The following ADGRL2 variants were observed in gnomAD, a reference collection of about 807,000 sequenced individuals.
ADGRL2 encodes calcium-independent alpha-latrotoxin receptor 2.
ADGRL2 carries 44 observed loss-of-function variants against 157.4 expected under a neutral mutation model. The observed-to-expected ratio is 0.28, with a 90% confidence interval of 0.22 to 0.36. ADGRL2 has a LOEUF of 0.36. ADGRL2 is among the 10% of genes least tolerant of loss of function. The pLI, the probability that ADGRL2 is intolerant of heterozygous loss-of-function variation, is 1.00. For synonymous variants in ADGRL2, 585 were observed against 624.7 expected, an observed-to-expected ratio of 0.94 and a Z score of 0.95; for missense variants, 1,510 against 1,768.9, an observed-to-expected ratio of 0.85 and a Z score of 2.63.
intron 23 of ADGRL2, among the ~76,000 whole-genome samples, chr1:81,988,615 T>G (rs889497233): frequency 6.6e-6 from 1 of 152,126 alleles, no homozygotes; most frequent in Non-Finnish European, 1.5e-5. Flanking sequence ...ATTTGTCAGT[T>G]TTTCAGATGT....
intron 2 of ADGRL2, among the ~76,000 whole-genome samples, chr1:81,449,673 G>A (rs575911121): frequency 1.3e-5 from 2 of 152,156 alleles, no homozygotes; most frequent in Middle Eastern, 6.8e-3. Flanking sequence ...GCAATCACAG[G>A]TCACTGCAGC....
intron 1 of ADGRL2, among the ~76,000 whole-genome samples, chr1:81,708,530 A>C (rs2083816053): frequency 6.6e-6 from 1 of 152,158 alleles, no homozygotes; most frequent in South Asian, 2.1e-4. Flanking sequence ...GCCAATGCAC[A>C]TATAATGATG....
In ADGRL2 at chr1:81,337,339, G is replaced by A. The variant is rs146708495; in HGVS notation, c.-302+30830G>A. Among the ~76,000 whole-genome samples, 965 of 142,556 alleles carry A rather than the reference G, an allele frequency of 6.8e-3. 6 individuals carry two copies. The highest frequency in any genetic ancestry group is 0.01 in the Non-Finnish European group (650 of 62,212). The allele number at this position is 142,556 out of a possible 152,430, so 93.5% of individuals were successfully genotyped here. A position where few individuals can be genotyped will look rare whatever the true frequency, so the allele number is the denominator to read the frequency against. On this transcript the variant is annotated intron_variant, in intron 1 of 24. Transcript: ENST00000370721. ...CACACCCTCTGGGGCTCCAGGGGTT[G>A]TGGGTATCCCCCTAGATGCTGCTGT...
chr1:81,328,732 C>T (rs930556806), intron 1 of ADGRL2, among the ~76,000 whole-genome samples: 2 of 151,976 alleles, frequency 1.3e-5, no homozygotes, highest in Non-Finnish European at 2.9e-5. Context: ...GTAAGGATCA[C>T]CTCAATTCCA....
intron 2 of ADGRL2, chr1:81,502,978 G>T (rs1026700914): frequency 6.2e-7 from 1 of 1,613,332 alleles, no homozygotes; most frequent in Non-Finnish European, 8.5e-7. Flanking sequence ...GACAACAGTG[G>T]CTGTGCCAAA....
chr1:81,429,832 G>T (rs1396105524), intron 1 of ADGRL2, among the ~76,000 whole-genome samples: 1 of 152,164 alleles, frequency 6.6e-6, no homozygotes, highest in African/African-American at 2.4e-5. Context: ...AGAAAAGATG[G>T]GAAGCCCATG....
intron 1 of ADGRL2, among the ~76,000 whole-genome samples, chr1:81,825,314 G>T (rs749793032): frequency 1.3e-5 from 2 of 152,154 alleles, no homozygotes; most frequent in African/African-American, 2.4e-5. Flanking sequence ...TTGAGCTATG[G>T]TCGTGCCATT....
chr1:81,868,245 G>A (rs1439979602), intron 2 of ADGRL2, among the ~76,000 whole-genome samples: 6 of 152,148 alleles, frequency 3.9e-5, no homozygotes, highest in African/African-American at 1.4e-4. Flanking sequence ...ACTTGGTTAA[G>A]ATGTTGCGGA....
chr1:81,688,816 T>C (rs2083279105), intron 3 of ADGRL2, among the ~76,000 whole-genome samples: 1 of 151,970 alleles, frequency 6.6e-6, no homozygotes, highest in African/African-American at 2.4e-5. Context: ...AGAGGGAAGG[T>C]CTAAGGCTGA....
chr1:81,477,454 T>A (rs67671286), intron 2 of ADGRL2, among the ~76,000 whole-genome samples: 30,362 of 152,194 alleles, frequency 0.2, 3,242 homozygotes, highest in East Asian at 0.27. Context: ...ATTTCTGTCA[T>A]TTTATCAAAT....
chr1:81,561,826 A>G (rs2080450145), intron 2 of ADGRL2, among the ~76,000 whole-genome samples: 1 of 152,144 alleles, frequency 6.6e-6, no homozygotes, highest in Admixed American at 6.6e-5. Context: ...TGAAACAATT[A>G]CTGCTCTATG....
At chr1:81,467,035 T>C (rs1253520832) in intron 2 of ADGRL2, among the ~76,000 whole-genome samples, 7 of 141,992 alleles carry the variant, frequency 4.9e-5, no homozygotes, top group Non-Finnish European at 1.1e-4. Context: ...AGAAAGCAAA[T>C]AAGCTACAGT....
intron 2 of ADGRL2, among the ~76,000 whole-genome samples, chr1:81,531,684 G>A (rs2079603235): frequency 6.6e-6 from 1 of 152,062 alleles, no homozygotes; most frequent in Non-Finnish European, 1.5e-5. Flanking sequence ...CAGAGACAGG[G>A]AGATGTTTGA....
chr1:81,441,373 T>G (rs1222025042), intron 1 of ADGRL2, among the ~76,000 whole-genome samples: 1 of 152,236 alleles, frequency 6.6e-6, no homozygotes, highest in African/African-American at 2.4e-5. Flanking sequence ...ATTTACTCCC[T>G]GTTCAAACAT....
intron 1 of ADGRL2, among the ~76,000 whole-genome samples, chr1:81,309,339 G>C (rs1659570876): frequency 6.6e-6 from 1 of 152,086 alleles, no homozygotes; most frequent in Non-Finnish European, 1.5e-5. Context: ...CCACCACTAT[G>C]GGGTCAGTGA....
intron 3 of ADGRL2, among the ~76,000 whole-genome samples, chr1:81,665,151 T>C (rs566084070): frequency 4.6e-5 from 7 of 152,190 alleles, no homozygotes; most frequent in African/African-American, 1.7e-4. Flanking sequence ...TTCAAAAAAA[T>C]CTTCAAAGAC....
intron 1 of ADGRL2, chr1:81,414,378 T>C (rs960035247): frequency 6.6e-6 from 1 of 152,256 alleles, no homozygotes; most frequent in Non-Finnish European, 1.5e-5. Context: ...TTTTCCATTC[T>C]AGTAAATGAG....
chr1:81,726,864 A>C (rs987832801), intron 1 of ADGRL2, among the ~76,000 whole-genome samples: 1 of 152,160 alleles, frequency 6.6e-6, no homozygotes, highest in African/African-American at 2.4e-5. Context: ...ATCCATCCTA[A>C]GCTATCATTA....
At chr1:81,776,993 A>G (rs1172196188) in intron 2 of ADGRL2, among the ~76,000 whole-genome samples, 1 of 152,234 alleles carries the variant, frequency 6.6e-6, no homozygotes, top group Non-Finnish European at 1.5e-5. Flanking sequence ...TTAAATTATT[A>G]TGCATACTAC....
Sources: gnomAD v4.1 joint callset for allele counts (sites outside exome capture counted in the v4.1 genomes callset) on GRCh38, gnomAD v4.1.1 for gene constraint, MANE v1.5 for transcripts, NCBI Gene and HGNC (gene_info 2026-07-23, HGNC 2026-07-21) for gene names.